Variants in NAV1 observed in about 807,000 individuals in gnomAD.
NAV1 encodes neuron navigator 1.
Under a neutral mutation model 175.2 loss-of-function variants are expected in NAV1, and 18 were observed. That is an observed-to-expected ratio of 0.10 (90% CI 0.07 to 0.15). The LOEUF (loss-of-function observed/expected upper bound fraction) is 0.15, where lower values mean the gene tolerates loss of function less well. Ranked by LOEUF, NAV1 falls within the 10% of genes least tolerant of loss-of-function variation. The pLI is 1.00. For synonymous variants in NAV1, 897 were observed against 978.7 expected (o/e 0.92, Z 1.56); for missense variants, 1,731 against 2,436.6 (o/e 0.71, Z 6.10).
chr1:201,671,433 A>G (rs928484075), intron 1 of NAV1, among the ~76,000 whole-genome samples: 1 of 152,160 alleles, frequency 6.6e-6, no homozygotes, highest in Non-Finnish European at 1.5e-5. Context: ...GAGACAGGTT[A>G]GAGTGGGCAA....
intron 3 of NAV1, among the ~76,000 whole-genome samples, chr1:201,749,637 A>T (rs1302221696): frequency 6.6e-6 from 1 of 152,248 alleles, no homozygotes; most frequent in East Asian, 1.9e-4. Context: ...TTGATGAAAT[A>T]TGAGCATAAA....
In NAV1 at chr1:201,564,074, G is replaced by C. The variant is rs188998456; in HGVS notation, c.-143-24465G>C. ...CTAGCACCACTGCACTCCAGCCTGG[G>C]TGACAGAGCAAGACTGTGTCTCAAA... On this transcript the variant is annotated intron_variant, in intron 1 of 33. Coordinates refer to the NAV1 transcript ENST00000685211. Among the ~76,000 whole-genome samples, 144 of 149,798 alleles carry C rather than the reference G, an allele frequency of 9.6e-4. 2 individuals are homozygous for C. Among genetic ancestry groups the C allele is most frequent in the African/African-American group, 3.2e-3 (130 of 40,512 alleles).
intron 3 of NAV1, among the ~76,000 whole-genome samples, chr1:201,753,472 A>G (rs1157334312): frequency 6.6e-6 from 1 of 152,206 alleles, no homozygotes; most frequent in Admixed American, 6.5e-5. Flanking sequence ...TAAAGTTGGT[A>G]TAAGAATGTA....
chr1:201,736,056 CT>C (rs1279151471), intron 3 of NAV1, among the ~76,000 whole-genome samples: 3 of 152,166 alleles, frequency 2.0e-5, no homozygotes, highest in Non-Finnish European at 4.4e-5. Context: ...TCAACTAGGC[CT>C]GGCTAGGATG....
chr1:201,798,694 TC>T (rs1677625877), intron 15 of NAV1: 1 of 109,088 alleles, frequency 9.2e-6, no homozygotes, highest in African/African-American at 3.4e-5. Context: ...ATTTTCTCTC[TC>T]TTTTTTTTTT....
chr1:201,718,859 T>A lies in NAV1; in HGVS notation c.1226+104T>A. ...GAACCCAAAACGGGTTTTGGTTTGC[T>A]GTGCTGCTATGAAAGTACACAAAAG... On this transcript the variant is annotated intron_variant, in intron 3 of 29. Transcript: ENST00000367296. The surrounding 1 kb of genome is among the most constrained non-coding windows in gnomAD (Gnocchi z 4.8). The A allele has an allele frequency of 7.1e-7, 1 of 1,401,834 alleles. No homozygotes were observed. The highest frequency in any genetic ancestry group is 9.8e-7 in the Non-Finnish European group (1 of 1,023,744). 86.8% of individuals were successfully genotyped at this position (1,401,834 alleles called of 1,614,324 possible).
chr1:201,793,647 C>G, intron 13 of NAV1, 145 bp from the exon 18 acceptor site: 1 of 676,174 alleles, frequency 1.5e-6, no homozygotes, highest in Non-Finnish European at 2.5e-6. Flanking sequence ...TCAGGAAAAT[C>G]AATATTTTTT....
At chr1:201,778,927 T>G (rs1676124690) in intron 3 of NAV1, among the ~76,000 whole-genome samples, 1 of 152,250 alleles carries the variant, frequency 6.6e-6, no homozygotes, top group African/African-American at 2.4e-5. Context: ...AGTCCTTGCA[T>G]ATATGCAATG....
At chr1:201,618,215 T>C (rs537480341), upstream of NAV1, among the ~76,000 whole-genome samples, 1 of 152,190 alleles carries the variant, frequency 6.6e-6, no homozygotes, top group Admixed American at 6.5e-5. Context: ...CCAACCCAGG[T>C]GTGCCACTTG....
rs75682248 is a variant in NAV1 at position 201,794,952 on chromosome 1, A to G, written c.3517+375A>G. The G allele has an allele frequency of 6.5e-3, 1,160 of 179,348 alleles. 18 individuals are homozygous for G. The highest frequency in any genetic ancestry group is 0.026 in the African/African-American group (1,098 of 42,122). The allele number at this position is 179,348 out of a possible 1,614,324, so 11.1% of individuals were successfully genotyped here. A position where few individuals can be genotyped will look rare whatever the true frequency, so the allele number is the denominator to read the frequency against. On this transcript the variant is annotated intron_variant, in intron 15 of 29. Coordinates refer to ENST00000367296, the Ensembl canonical transcript of NAV1. The stretch of plus-strand genomic sequence containing the variant: ...TGATCCTCACTTTAGTTCTCCAACT[A>G]CTCTTCCAATGAAACAACCAAAGCT...
intron 1 of NAV1, among the ~76,000 whole-genome samples, chr1:201,554,217 G>C (rs996349256): frequency 1.3e-5 from 2 of 152,154 alleles, no homozygotes; most frequent in Admixed American, 1.3e-4. Context: ...GACAGACAGG[G>C]GTGTCTGGCC....
intron 3 of NAV1, among the ~76,000 whole-genome samples, chr1:201,777,123 G>A (rs1460619527): frequency 1.3e-5 from 2 of 152,310 alleles, no homozygotes; most frequent in East Asian, 1.9e-4. Context: ...AAGGTCTTAC[G>A]AAGTTTACTT....
At chr1:201,675,561 C>A (rs1412250587) in intron 1 of NAV1, among the ~76,000 whole-genome samples, 1 of 152,224 alleles carries the variant, frequency 6.6e-6, no homozygotes, top group African/African-American at 2.4e-5. Context: ...AAAAAATGAA[C>A]CAGGCACTTG....
rs112625432 is a variant in NAV1, at chr1:201,558,741, C to T, written c.-144+19399C>T. Among the ~76,000 whole-genome samples the T allele has an allele frequency of 8.4e-3, 1,274 of 151,956 alleles. 18 individuals are homozygous for T. The highest frequency in any genetic ancestry group is 0.029 in the African/African-American group (1,186 of 41,278). ...CTGGGATTACAGGCGTGAGCCACCG[C>T]GCCCGGCACAGGTGTGGTGTTTAAT... On this transcript the variant is annotated intron_variant, in intron 1 of 33. Coordinates refer to the NAV1 transcript ENST00000685211.
chr1:201,802,882 C>G (rs897347759), intron 15 of NAV1, among the ~76,000 whole-genome samples: 3 of 152,180 alleles, frequency 2.0e-5, no homozygotes, highest in Admixed American at 6.5e-5. Flanking sequence ...CCACATGTGC[C>G]CTCTGCTGCT....
intron 2 of NAV1, among the ~76,000 whole-genome samples, chr1:201,607,295 T>G (rs907145631): frequency 2.6e-5 from 4 of 151,402 alleles, no homozygotes; most frequent in Non-Finnish European, 4.4e-5. Context: ...TTTGTATTTT[T>G]GTAGAGATGG....
At chr1:201,667,982 A>G (rs1669893636) in intron 1 of NAV1, among the ~76,000 whole-genome samples, 2 of 152,328 alleles carry the variant, frequency 1.3e-5, no homozygotes, top group East Asian at 1.9e-4. Flanking sequence ...ATCACAGGCC[A>G]TGGCCATAGG....
At chr1:201,785,413 A>G (rs1356107438) in intron 8 of NAV1, 62 bp downstream of exon 12, 2 of 1,530,218 alleles carry the variant, frequency 1.3e-6, no homozygotes, top group South Asian at 1.2e-5. Context: ...ATGAAAAATC[A>G]TATCTCAACC....
chr1:201,756,794 CTCTTTCTTTCTTTCCTTCTT>C (rs1225503143), intron 3 of NAV1, among the ~76,000 whole-genome samples: 3,162 of 143,648 alleles, frequency 0.022, 156 homozygotes, highest in African/African-American at 0.055. Context: ...ATGAGCAATT[CTCTTTCTTTCTTTCCTTCTT>C]TCTTTCTTTC....
Sources: allele counts gnomAD v4.1 joint callset (sites outside exome capture counted in the v4.1 genomes callset), GRCh38; gene constraint gnomAD v4.1.1; non-coding constraint Gnocchi (gnomAD v3.1); transcripts MANE v1.5; gene names NCBI Gene and HGNC (gene_info 2026-07-23, HGNC 2026-07-21).